FBXL12: variants seen among roughly 807,000 people sequenced by gnomAD.
FBXL12 encodes F-box and leucine rich repeat protein 12.
FBXL12 carries 22 observed loss-of-function variants against 24.9 expected under a neutral mutation model. The observed-to-expected ratio is 0.88, with a 90% CI of 0.63 to 1.26. FBXL12 has a LOEUF of 1.26. FBXL12 is among the 50% of genes most tolerant of loss of function. The pLI, the probability that FBXL12 is intolerant of heterozygous loss-of-function variation, is 0.00. For missense variants in FBXL12, 384 were observed against 434.1 expected, an observed-to-expected ratio of 0.88 and a Z score of 1.03; for synonymous variants, 193 against 193.8, an observed-to-expected ratio of 1.00 and a Z score of 0.03.
chr19:9,817,269 CAG>C (rs1186601282), intron 2 of FBXL12, among the ~76,000 whole-genome samples: 2 of 152,248 alleles, frequency 1.3e-5, no homozygotes, highest in African/African-American at 4.8e-5. Flanking sequence ...GCCTGGGTGA[CAG>C]AGTGAGATCC....
chr19:9,812,530 CAAAAAAAAAAAAA>C (rs374538314), intron 2 of FBXL12, among the ~76,000 whole-genome samples: 3 of 32,566 alleles, frequency 9.2e-5, no homozygotes, highest in African/African-American at 2.0e-4. Flanking sequence ...GACTCTGTCT[CAAAAAAAAAAAAA>C]AAAAAAAAAA....
At chr19:9,816,351 T>A (rs1162225059) in intron 2 of FBXL12, among the ~76,000 whole-genome samples, 2 of 152,226 alleles carry the variant, frequency 1.3e-5, no homozygotes, top group Non-Finnish European at 1.5e-5. Flanking sequence ...CAAACTTTTC[T>A]GCTCTGCTTC....
Position 9,811,494 on chromosome 19 carries a change from G to T in FBXL12, c.383C>A (p.Thr128Asn), listed in dbSNP as rs761976403. The T allele has an allele frequency of 1.8e-5, 29 of 1,613,662 alleles. No homozygotes were observed. In the East Asian group the frequency reaches 4.2e-4, roughly 24 times the overall value. Residue 128 changes from threonine (T) to asparagine (N), a missense_variant, in exon 3 of 3, where the codon ACC (threonine) becomes AAC (asparagine). Thr to Asn is a moderately conservative substitution (Grantham distance 65). Coordinates refer to ENST00000247977, the MANE Select transcript of FBXL12 (RefSeq NM_017703.3). The surrounding 1 kb of genome is among the most constrained non-coding windows in gnomAD (Gnocchi z 6.0). Reference protein sequence around the residue: ...PITSLPSTLRTLELHSCEISM... With the variant: ...PITSLPSTLRNLELHSCEISM... ...GATCTCGCAGCTGTGCAGCTCCAGG[G>T]TCCTCAAGGTGCTGGGCAGGCTGGT...
At position 9,811,083 on chromosome 19, in the gene FBXL12, G is replaced by C. The variant is rs1450864885; in HGVS notation, c.794C>G (p.Thr265Ser). 2.5e-6 allele frequency: 4 copies of C among 1,610,896 alleles called. No individual in the cohort carries two copies. Among genetic ancestry groups the C allele is most frequent in the Middle Eastern group, 1.6e-4 (1 of 6,074 alleles). Residue 265 changes from threonine to serine, a missense_variant, in exon 3 of 3, where the codon ACC (threonine) becomes AGC (serine). Physicochemically the swap from Thr to Ser is moderately conservative, Grantham distance 58. Coordinates refer to ENST00000247977, the MANE Select transcript of FBXL12 (RefSeq NM_017703.3). The surrounding 1 kb of genome is among the most constrained non-coding windows in gnomAD (Gnocchi z 6.0). ...TTCAGTGGGGGAGGGCATTTCTGGG[G>C]TGACGAGGGGACCCTGCAGGCACAG... ...ESLCLQGPLV[T>S]PEMPSPTEIL... is the part of the protein sequence containing the mutation.
At chr19:9,812,530 C>CAAAAAAAA (rs374538314) in intron 2 of FBXL12, among the ~76,000 whole-genome samples, 8 of 32,552 alleles carry the variant, frequency 2.5e-4, no homozygotes, top group Admixed American at 3.6e-4. Context: ...GACTCTGTCT[C>CAAAAAAAA]AAAAAAAAAA....
chr19:9,811,160 G>A lies in FBXL12; in HGVS notation c.717C>T (p.Gly239=), dbSNP rs765069690. The A allele has an allele frequency of 3.1e-6, 5 of 1,607,140 alleles. No individual in the cohort carries two copies. The South Asian group carries it at 4.4e-5, about 14-fold the overall frequency. The change falls in exon 3 of 3, where the codon GGC becomes GGT. Residue 239 remains glycine (G), a synonymous_variant. Coordinates refer to ENST00000247977, the MANE Select transcript of FBXL12 (RefSeq NM_017703.3). This position sits in a 1 kb window ranked among gnomAD's most constrained non-coding sequence, Gnocchi z 6.0. Reference sequence around the variant, plus strand: ...GCACAGCCAGGCCAGGGGCAGAGAGGCCCCTCACGGTCAGCCGGATCTTGC... The same window carrying A: ...GCACAGCCAGGCCAGGGGCAGAGAGACCCCTCACGGTCAGCCGGATCTTGC... ...DVRKIRLTVR[G]LSAPGLAVLE...
chr19:9,811,787 G>A lies in FBXL12; in HGVS notation c.160-70C>T. ...CTTCCAAGGCCCCTGCTGGGCTGGA[G>A]ACACACAACCCCGGGGTGGGGGATT... On this transcript the variant is annotated intron_variant, in intron 2 of 2. Transcript: ENST00000247977. The surrounding 1 kb of genome is among the most constrained non-coding windows in gnomAD (Gnocchi z 6.0). 7.5e-7 allele frequency: 1 copy of A among 1,331,338 alleles called. No individual in the cohort carries two copies. Among genetic ancestry groups the A allele is most frequent in the Non-Finnish European group, 1.0e-6 (1 of 996,438 alleles). 82.5% of individuals were successfully genotyped at this position (1,331,338 alleles called of 1,614,324 possible). A position where few individuals can be genotyped will look rare whatever the true frequency, so the allele number is the denominator to read the frequency against.
chr19:9,815,794 A>T (rs1349469121), intron 2 of FBXL12, among the ~76,000 whole-genome samples: 1 of 151,916 alleles, frequency 6.6e-6, no homozygotes, highest in Non-Finnish European at 1.5e-5. Flanking sequence ...AGCTGGGATT[A>T]CAAGCATGCG....
In FBXL12 at chr19:9,819,034, G is replaced by C. The variant is rs978355949; in HGVS notation, c.-221C>G. The C allele has an allele frequency of 7.5e-5, 44 of 588,230 alleles. No individual in the cohort carries two copies. Among genetic ancestry groups the C allele is most frequent in the Middle Eastern group, 4.5e-4 (1 of 2,220 alleles). The allele number at this position is 588,230 out of a possible 1,614,324, so 36.4% of individuals were successfully genotyped here. A position where few individuals can be genotyped will look rare whatever the true frequency, so the allele number is the denominator to read the frequency against. ...GTGGCTGAGGCAGTGAGAGGCTTGC[G>C]GGAGGTGGCTGAGGCGTGATTTGGC... On this transcript the variant is annotated 5_prime_UTR_variant, in exon 1 of 3. Coordinates refer to ENST00000247977, the MANE Select transcript of FBXL12 (RefSeq NM_017703.3).
Position 9,811,800 on chromosome 19 carries a change from G to A in FBXL12, c.160-83C>T, listed in dbSNP as rs770134206. The A allele has an allele frequency of 7.0e-5, 86 of 1,222,408 alleles. No individual in the cohort carries two copies. Among genetic ancestry groups the A allele is most frequent in the Non-Finnish European group, 8.8e-5 (80 of 913,728 alleles). 75.7% of individuals were successfully genotyped at this position (1,222,408 alleles called of 1,614,324 possible). A position where few individuals can be genotyped will look rare whatever the true frequency, so the allele number is the denominator to read the frequency against. ...TGCTGGGCTGGAGACACACAACCCC[G>A]GGGTGGGGGATTCTGGTGCCCTGCT... On this transcript the variant is annotated intron_variant, in intron 2 of 2. Coordinates refer to ENST00000247977, the MANE Select transcript of FBXL12 (RefSeq NM_017703.3). The surrounding 1 kb of genome is among the most constrained non-coding windows in gnomAD (Gnocchi z 6.0).
Position 9,811,065 on chromosome 19 carries a change from G to C in FBXL12, c.812C>G (p.Pro271Arg). Reference protein sequence around the residue: ...GPLVTPEMPSPTEILSSCLTM... With the variant: ...GPLVTPEMPSRTEILSSCLTM... Reference sequence around the variant, plus strand: ...GAGGCAGGAGGAGAGGATTTCAGTGGGGGAGGGCATTTCTGGGGTGACGAG... The same window carrying C: ...GAGGCAGGAGGAGAGGATTTCAGTGCGGGAGGGCATTTCTGGGGTGACGAG... The change falls in exon 3 of 3, where the codon CCC becomes CGC. Residue 271 changes from proline (P) to arginine (R), a missense_variant. Transcript: ENST00000247977. The surrounding 1 kb of genome is among the most constrained non-coding windows in gnomAD (Gnocchi z 6.0). 1 of 1,612,316 alleles carries C rather than the reference G, an allele frequency of 6.2e-7. No homozygotes were observed. The highest frequency in any genetic ancestry group is 1.7e-4 in the Middle Eastern group (1 of 6,044).
rs1019960957 is a variant in FBXL12, at chr19:9,810,284, T to A, written c.*612A>T. On this transcript the variant is annotated 3_prime_UTR_variant, in exon 3 of 3. Transcript: ENST00000247977. The stretch of plus-strand genomic sequence containing the variant: ...CTGAATACTTCTCGGGAAAAAAAAA[T>A]GATTTTTTTCTTTAATAGTAAAATA... 2 of 151,790 alleles carry A rather than the reference T, an allele frequency of 1.3e-5. No homozygotes were observed. Among genetic ancestry groups the A allele is most frequent in the Non-Finnish European group, 1.5e-5 (1 of 67,962 alleles). 9.4% of individuals were successfully genotyped at this position (151,790 alleles called of 1,614,324 possible).
chr19:9,814,459 G>A (rs2045834087), intron 2 of FBXL12: 1 of 152,076 alleles, frequency 6.6e-6, no homozygotes, highest in Non-Finnish European at 1.5e-5. Context: ...CCAGTGAACT[G>A]AGATCGCACC....
intron 2 of FBXL12, among the ~76,000 whole-genome samples, chr19:9,815,410 T>C (rs1288051636): frequency 6.6e-6 from 1 of 152,142 alleles, no homozygotes; most frequent in East Asian, 1.9e-4. Context: ...TCCAGGTGCA[T>C]GGTGCAAGCT....
At chr19:9,812,620 T>G (rs1009841509) in intron 2 of FBXL12, among the ~76,000 whole-genome samples, 2 of 151,136 alleles carry the variant, frequency 1.3e-5, no homozygotes, top group Non-Finnish European at 2.9e-5. Flanking sequence ...ATTTTTACCG[T>G]TTTTTCTGGA....
Position 9,811,510 on chromosome 19 carries a change from G to A in FBXL12, c.367C>T (p.Pro123Ser). 1.9e-6 allele frequency: 3 copies of A among 1,613,690 alleles called. No individual in the cohort carries two copies. The East Asian group carries it at 6.7e-5, about 36-fold the overall frequency. ...AGCTCCAGGGTCCTCAAGGTGCTGG[G>A]CAGGCTGGTGATGGGCACCATGCTC... ...DLSMVPITSL[P>S]STLRTLELHS... The change falls in exon 3 of 3, where the codon CCC becomes TCC. Residue 123 changes from proline to serine, a missense_variant. Coordinates refer to ENST00000247977, the MANE Select transcript of FBXL12 (RefSeq NM_017703.3). The surrounding 1 kb of genome is among the most constrained non-coding windows in gnomAD (Gnocchi z 6.0).
At chr19:9,813,572 G>A (rs2045810732) in intron 2 of FBXL12, among the ~76,000 whole-genome samples, 1 of 150,222 alleles carries the variant, frequency 6.7e-6, no homozygotes, top group Non-Finnish European at 1.5e-5. Flanking sequence ...CGCAATCTCG[G>A]CTCACTGCAA....
Position 9,818,567 on chromosome 19 carries a change from T to C in FBXL12, c.137A>G (p.His46Arg). ...RLVDDRWLWR[H>R]VDLTLYTMRP... ...TACCGTGTAGAGCGTCAGGTCGACA[T>C]GTCGCCACAGCCACCGGTCGTCCAC... Residue 46 changes from histidine (H) to arginine (R), a missense_variant, in exon 2 of 3, where the codon CAT (histidine) becomes CGT (arginine). Transcript: ENST00000247977. 6.4e-7 allele frequency: 1 copy of C among 1,552,186 alleles called. No homozygotes were observed. Among genetic ancestry groups the C allele is most frequent in the South Asian group, 1.2e-5 (1 of 84,924 alleles).
At chr19:9,813,678 G>A (rs2045813483) in intron 2 of FBXL12, among the ~76,000 whole-genome samples, 1 of 151,810 alleles carries the variant, frequency 6.6e-6, no homozygotes, top group Admixed American at 6.6e-5. Context: ...TGTTTTTTTT[G>A]TATTTTTAGT....
Sources: gnomAD v4.1 joint callset for allele counts (sites outside exome capture counted in the v4.1 genomes callset) on GRCh38, gnomAD v4.1.1 for gene constraint, Gnocchi (gnomAD v3.1) non-coding constraint, MANE v1.5 for transcripts, NCBI Gene and HGNC (gene_info 2026-07-23, HGNC 2026-07-21) for gene names.